CTNNA2: variants seen among roughly 807,000 people sequenced by gnomAD.
The protein encoded by CTNNA2 is catenin alpha 2.
In CTNNA2, 42 loss-of-function variants were observed where a neutral mutation model predicts 101.0. The ratio of observed to expected loss-of-function variants is 0.42; its 90% CI spans 0.32 to 0.54. The LOEUF (loss-of-function observed/expected upper bound fraction) is 0.54. Among genes scored for constraint, CTNNA2 ranks in the 20% least tolerant of loss-of-function variants. The pLI is 0.14. For missense variants in CTNNA2, 871 were observed against 1,223.1 expected (o/e 0.71, Z 4.29); for synonymous variants, 450 against 456.4 (o/e 0.99, Z 0.18).
At chr2:80,151,494 C>T (rs1326823574) in intron 7 of CTNNA2, among the ~76,000 whole-genome samples, 1 of 152,212 alleles carries the variant, frequency 6.6e-6, no homozygotes, top group African/African-American at 2.4e-5. Flanking sequence ...CCTTTACTCA[C>T]ACAGCACTTT....
intron 2 of CTNNA2, among the ~76,000 whole-genome samples, chr2:79,691,576 A>G (rs932369914): frequency 6.6e-6 from 1 of 152,132 alleles, no homozygotes; most frequent in African/African-American, 2.4e-5. Flanking sequence ...GGACAATCCT[A>G]AGCAAAAAGC....
At chr2:80,297,470 T>C (rs1283798539) in intron 7 of CTNNA2, among the ~76,000 whole-genome samples, 1 of 152,182 alleles carries the variant, frequency 6.6e-6, no homozygotes, top group East Asian at 1.9e-4. Context: ...TAAATTGTAT[T>C]TCTCCATCTC....
rs528497543 is a variant in CTNNA2 at position 79,833,251 on chromosome 2, G to A, written c.299-24762G>A. Among the ~76,000 whole-genome samples the A allele has an allele frequency of 5.4e-4, 83 of 152,310 alleles. 2 individuals carry two copies. The South Asian group carries it at 0.017, about 31-fold the overall frequency. ...AAAACGGAGTTATATCAGAAAGGTA[G>A]GCTAGCCCTAGGCAAAATAGTGAAG... On this transcript the variant is annotated intron_variant, in intron 3 of 18. Coordinates refer to ENST00000402739, the MANE Select transcript of CTNNA2 (RefSeq NM_001282597.3).
intron 2 of CTNNA2, among the ~76,000 whole-genome samples, chr2:79,231,107 G>T (rs889348362): frequency 6.6e-6 from 1 of 152,156 alleles, no homozygotes; most frequent in Non-Finnish European, 1.5e-5. Flanking sequence ...TTGGGGGACT[G>T]TTGGGAAGGC....
intron 2 of CTNNA2, among the ~76,000 whole-genome samples, chr2:79,303,465 T>C (rs1472232820): frequency 6.6e-6 from 1 of 152,128 alleles, no homozygotes; most frequent in Non-Finnish European, 1.5e-5. Context: ...GGTGGTCATG[T>C]ATATTTACAA....
In CTNNA2 at chr2:80,232,642, ACTT is replaced by A. The variant is rs1379296167; in HGVS notation, c.1057-160566_1057-160564del. On this transcript the variant is annotated intron_variant, in intron 7 of 18. Transcript: ENST00000402739. ...TTGTGCCATGTGCAGAGTAAAGAAA[ACTT>A]CTGGGCAGAAACAAAGTGGGACACA... is the stretch of plus-strand genomic sequence containing the variant. Among the ~76,000 whole-genome samples, 128 of 151,880 alleles carry A rather than the reference ACTT, an allele frequency of 8.4e-4. 2 individuals are homozygous for A. Among genetic ancestry groups the A allele is most frequent in the Non-Finnish European group, 1.8e-4 (12 of 67,938 alleles).
At chr2:79,493,350 G>A (rs1671223077) in intron 4 of CTNNA2, among the ~76,000 whole-genome samples, 1 of 152,206 alleles carries the variant, frequency 6.6e-6, no homozygotes, top group African/African-American at 2.4e-5. Flanking sequence ...AATATTGGCC[G>A]ACTGTGCCTG....
At chr2:79,450,824 A>G (rs1163579735) in intron 4 of CTNNA2, among the ~76,000 whole-genome samples, 1 of 152,152 alleles carries the variant, frequency 6.6e-6, no homozygotes, top group Non-Finnish European at 1.5e-5. Flanking sequence ...TTATTCCTAC[A>G]TTTAAGAAAG....
chr2:79,227,898 C>A (rs780406614), intron 2 of CTNNA2, among the ~76,000 whole-genome samples: 1 of 152,174 alleles, frequency 6.6e-6, no homozygotes, highest in Non-Finnish European at 1.5e-5. Flanking sequence ...GTTCTTCAAC[C>A]CACGGCCCTC....
At chr2:80,158,040 A>G (rs1704088305) in intron 7 of CTNNA2, among the ~76,000 whole-genome samples, 1 of 152,208 alleles carries the variant, frequency 6.6e-6, no homozygotes, top group Admixed American at 6.5e-5. Context: ...GAAACTGATC[A>G]ATTAGGTAAA....
At chr2:80,450,701 T>C (rs1258353250) in intron 9 of CTNNA2, among the ~76,000 whole-genome samples, 2 of 152,148 alleles carry the variant, frequency 1.3e-5, no homozygotes, top group African/African-American at 4.8e-5. Context: ...GAATCTCCAG[T>C]TTCCAAGCTA....
At chr2:80,231,800 C>G (rs1709229044) in intron 7 of CTNNA2, among the ~76,000 whole-genome samples, 1 of 152,186 alleles carries the variant, frequency 6.6e-6, no homozygotes, top group Non-Finnish European at 1.5e-5. Flanking sequence ...TAGAAAGGCC[C>G]TGCACAGCTG....
At chr2:80,327,711 C>T (rs1481522336) in intron 7 of CTNNA2, among the ~76,000 whole-genome samples, 14 of 152,178 alleles carry the variant, frequency 9.2e-5, no homozygotes, top group Admixed American at 9.2e-4. Context: ...TTACTTCAAA[C>T]CCACAAATAA....
chr2:79,509,432 A>C (rs995980309), upstream of CTNNA2, among the ~76,000 whole-genome samples: 7 of 152,130 alleles, frequency 4.6e-5, no homozygotes, highest in Non-Finnish European at 5.9e-5. Context: ...CAGTGCTAAA[A>C]ACAGAGCTGT....
chr2:79,570,206 T>C (rs1558738447), intron 1 of CTNNA2, among the ~76,000 whole-genome samples: 1 of 152,282 alleles, frequency 6.6e-6, no homozygotes, highest in South Asian at 2.1e-4. Context: ...TTCAGGAATA[T>C]AACTTCATCA....
chr2:79,643,130 G>T (rs1413212224), intron 1 of CTNNA2, among the ~76,000 whole-genome samples: 1 of 152,076 alleles, frequency 6.6e-6, no homozygotes, highest in African/African-American at 2.4e-5. Context: ...GGCGGGGGTT[G>T]CAGTGAGCCT....
In CTNNA2 at chr2:80,544,996, C is replaced by T. The variant is rs1202250318; in HGVS notation, c.1305C>T (p.Ala435=). 6.2e-7 allele frequency: 1 copy of T among 1,613,994 alleles called. No homozygotes were observed. The highest frequency in any genetic ancestry group is 8.5e-7 in the Non-Finnish European group (1 of 1,179,936). ...ANKLVEVANL[A]CSISNNEEGV... ...CTTCAATACAGGTTGCCAATTTGGC[C>T]TGTTCCATCTCCAACAATGAAGAAG... Residue 435 remains alanine (A), a synonymous_variant, in exon 10 of 19, where the codon GCC becomes GCT. Transcript: ENST00000402739.
intron 9 of CTNNA2, among the ~76,000 whole-genome samples, chr2:80,523,353 G>T (rs574317318): frequency 2.6e-4 from 40 of 152,240 alleles, no homozygotes; most frequent in Non-Finnish European, 5.4e-4. Flanking sequence ...AATAAAAAAA[G>T]ATGTCTATGA....
intron 1 of CTNNA2, among the ~76,000 whole-genome samples, chr2:79,540,817 G>T (rs535662123): frequency 6.6e-6 from 1 of 151,960 alleles, no homozygotes. Flanking sequence ...TCAGTGATTT[G>T]TTTATTTCTG....
Sources: allele counts gnomAD v4.1 joint callset (sites outside exome capture counted in the v4.1 genomes callset), GRCh38; gene constraint gnomAD v4.1.1; transcripts MANE v1.5; gene names NCBI Gene and HGNC (gene_info 2026-07-23, HGNC 2026-07-21).